Variants in PLCG2 observed in about 807,000 individuals in gnomAD.
PLCG2 encodes the protein phospholipase C gamma 2.
PLCG2 carries 69 observed loss-of-function variants against 175.6 expected under a neutral mutation model. That is an observed-to-expected ratio of 0.39 (90% CI 0.32 to 0.48). PLCG2 has a LOEUF of 0.48. Ranked by LOEUF, PLCG2 falls within the 20% of genes least tolerant of loss-of-function variation. The pLI is 0.91. For synonymous variants in PLCG2, 827 were observed against 624.0 expected, an observed-to-expected ratio of 1.33 and a Z score of -4.85; for missense variants, 1,798 against 1,650.9, an observed-to-expected ratio of 1.09 and a Z score of -1.54.
intron 23 of PLCG2, among the ~76,000 whole-genome samples, 185 bp from the exon 24 acceptor site, chr16:81,928,373 G>A (rs1168144230): frequency 3.9e-5 from 6 of 152,150 alleles, no homozygotes; most frequent in South Asian, 2.1e-4. Flanking sequence ...CCCTCTCCCC[G>A]CCAGGTCCCT....
intron 1 of PLCG2, chr16:81,782,981 A>G (rs1405120296): frequency 1.3e-5 from 5 of 389,280 alleles, no homozygotes; most frequent in Non-Finnish European, 2.5e-5. Context: ...GAGACGCAGC[A>G]TGGAAGTCTG....
intron 1 of PLCG2, among the ~76,000 whole-genome samples, chr16:81,780,540 A>ATACC (rs1910682181): frequency 6.6e-6 from 1 of 152,194 alleles, no homozygotes; most frequent in Non-Finnish European, 1.5e-5. Context: ...AGTCACGTGT[A>ATACC]TACCAGCTCA....
At chr16:81,764,314 A>G (rs1468076677) in intron 2 of PLCG2, among the ~76,000 whole-genome samples, 7 of 152,118 alleles carry the variant, frequency 4.6e-5, no homozygotes, top group Admixed American at 3.9e-4. Context: ...ATAAATAAAT[A>G]AGTAATAAAA....
intron 1 of PLCG2, among the ~76,000 whole-genome samples, chr16:81,741,083 T>C (rs1909583685): frequency 6.6e-6 from 1 of 152,164 alleles, no homozygotes; most frequent in African/African-American, 2.4e-5. Context: ...TCTTGGCCTT[T>C]GTTTTGATCC....
chr16:81,771,192 C>T (rs1482509181), intron 2 of PLCG2, among the ~76,000 whole-genome samples: 1 of 152,198 alleles, frequency 6.6e-6, no homozygotes, highest in Non-Finnish European at 1.5e-5. Flanking sequence ...AAGGTCCTTC[C>T]TTCTGCTGCC....
At chr16:81,834,128 A>G (rs571959535) in intron 2 of PLCG2, among the ~76,000 whole-genome samples, 1 of 152,310 alleles carries the variant, frequency 6.6e-6, no homozygotes, top group African/African-American at 2.4e-5. Context: ...AAACCCAGCC[A>G]GGTGGCCTTG....
At chr16:81,835,756 C>A (rs1663217152) in intron 2 of PLCG2, among the ~76,000 whole-genome samples, 2 of 152,060 alleles carry the variant, frequency 1.3e-5, no homozygotes, top group Admixed American at 1.3e-4. Context: ...AGTCTGAAAT[C>A]AAGGTGTTGG....
intron 2 of PLCG2, among the ~76,000 whole-genome samples, chr16:81,849,294 G>T (rs1435490167): frequency 6.6e-6 from 1 of 152,212 alleles, no homozygotes; most frequent in African/African-American, 2.4e-5. Flanking sequence ...TTGGATTGTG[G>T]TGTTGGCCAT....
At chr16:81,905,032 C>T (rs7500570) in intron 14 of PLCG2, among the ~76,000 whole-genome samples, 10,758 of 152,234 alleles carry the variant, frequency 0.071, 1,252 homozygotes, top group African/African-American at 0.24. Flanking sequence ...GGATTACAGG[C>T]GCGTGCCACC....
intron 27 of PLCG2, among the ~76,000 whole-genome samples, chr16:81,937,150 A>G (rs977986258): frequency 6.6e-6 from 1 of 152,204 alleles, no homozygotes; most frequent in Non-Finnish European, 1.5e-5. Flanking sequence ...ACACTGCCAA[A>G]CTGCCCTCCA....
intron 30 of PLCG2, among the ~76,000 whole-genome samples, chr16:81,941,719 A>G (rs1910948907): frequency 6.8e-6 from 1 of 147,034 alleles, no homozygotes; most frequent in South Asian, 2.1e-4. Flanking sequence ...TTTTTTTGAG[A>G]TGGAGTCTTG....
Position 81,747,090 on chromosome 16 carries a change from C to T in PLCG2, c.-145+7705C>T, listed in dbSNP as rs531749798. ...GTCAAGCATTCTCAAACAGTACTAGCGATAGTATTAATGGGTTTATCCTCT... is the reference window on the plus strand; with the variant it reads ...GTCAAGCATTCTCAAACAGTACTAGTGATAGTATTAATGGGTTTATCCTCT... On this transcript the variant is annotated intron_variant, in intron 1 of 5. Transcript: ENST00000565054. Among the ~76,000 whole-genome samples the T allele has an allele frequency of 1.9e-3, 282 of 152,122 alleles. 4 individuals carry two copies. The South Asian group carries it at 0.056, about 30-fold the overall frequency.
intron 13 of PLCG2, 63 bp from the exon 14 acceptor site, chr16:81,900,546 CTCT>C: frequency 6.9e-7 from 1 of 1,458,072 alleles, no homozygotes; most frequent in Non-Finnish European, 9.3e-7. Context: ...GCCCTGGCCC[CTCT>C]GTGGGGCAGA....
chr16:81,856,436 C>T (rs1906684510), intron 3 of PLCG2, among the ~76,000 whole-genome samples: 1 of 152,108 alleles, frequency 6.6e-6, no homozygotes, highest in Non-Finnish European at 1.5e-5. Context: ...TTAACCACTC[C>T]TCAATGCCGC....
intron 1 of PLCG2, among the ~76,000 whole-genome samples, chr16:81,746,630 A>G (rs1188228977): frequency 6.6e-6 from 1 of 152,240 alleles, no homozygotes; most frequent in Non-Finnish European, 1.5e-5. Flanking sequence ...AATAAGAGCA[A>G]TATACACTTC....
chr16:81,901,714 C>T (rs1026157572), intron 14 of PLCG2, among the ~76,000 whole-genome samples: 11 of 152,202 alleles, frequency 7.2e-5, no homozygotes, highest in Admixed American at 5.9e-4. Flanking sequence ...TTTCATATCC[C>T]GTTTACAGTT....
At chr16:81,771,944 G>T (rs1343663013) in intron 2 of PLCG2, among the ~76,000 whole-genome samples, 1 of 151,898 alleles carries the variant, frequency 6.6e-6, no homozygotes, top group Non-Finnish European at 1.5e-5. Flanking sequence ...CTCTACGCCT[G>T]GCTACTTTTT....
intron 31 of PLCG2, among the ~76,000 whole-genome samples, chr16:81,955,602 T>C (rs1911535057): frequency 6.6e-6 from 1 of 152,236 alleles, no homozygotes; most frequent in African/African-American, 2.4e-5. Flanking sequence ...GCTGAATCTC[T>C]GTGCTCACTC....
chr16:81,877,596 A>G (rs1907863071), intron 7 of PLCG2, among the ~76,000 whole-genome samples: 1 of 152,196 alleles, frequency 6.6e-6, no homozygotes, highest in Non-Finnish European at 1.5e-5. Context: ...CATGGCTTCT[A>G]GTGGCTGCCA....
Sources: allele counts gnomAD v4.1 joint callset (sites outside exome capture counted in the v4.1 genomes callset), GRCh38; gene constraint gnomAD v4.1.1; transcripts MANE v1.5; gene names NCBI Gene and HGNC (gene_info 2026-07-23, HGNC 2026-07-21).